The following PAXBP1 variants were observed in gnomAD, a reference collection of about 807,000 sequenced individuals.
PAXBP1 encodes PAX3- and PAX7-binding protein 1.
Under a neutral mutation model 119.9 loss-of-function variants are expected in PAXBP1, and 44 were observed. The ratio of observed to expected loss-of-function variants is 0.37; its 90% confidence interval spans 0.29 to 0.47. The LOEUF is 0.47. PAXBP1 is among the 20% of genes least tolerant of loss of function. PAXBP1 has a pLI of 0.99. For missense variants in PAXBP1, 898 were observed against 1,134.1 expected (o/e 0.79, Z 2.99); for synonymous variants, 393 against 406.6 (o/e 0.97, Z 0.40).
chr21:32,762,261 G>A lies in PAXBP1; in HGVS notation c.706C>T (p.Arg236Ter). ...HAARKKRQMARELGDFTPHDN... is the reference protein window; with the variant it reads ...HAARKKRQMA Reference sequence around the variant, plus strand: ...TGAGGAGTGAAATCTCCCAATTCTCGGGCCATTTGGCGCTTTTTCCTTGCA... The same window carrying A: ...TGAGGAGTGAAATCTCCCAATTCTCAGGCCATTTGGCGCTTTTTCCTTGCA... The change falls in exon 4 of 18, where the codon CGA becomes TGA. Residue 236 changes from arginine (R) to a stop codon, truncating the protein, a stop_gained. Coordinates refer to ENST00000331923, the MANE Select transcript of PAXBP1 (RefSeq NM_016631.4). LOFTEE classifies it high-confidence loss of function. The A allele has an allele frequency of 1.2e-6, 2 of 1,613,954 alleles. No individual in the cohort carries two copies. Among genetic ancestry groups the A allele is most frequent in the Non-Finnish European group, 1.7e-6 (2 of 1,180,010 alleles).
At chr21:32,771,283 C>A in intron 1 of PAXBP1, 43 bp downstream of exon 1, 1 of 1,512,850 alleles carries the variant, frequency 6.6e-7, no homozygotes, top group African/African-American at 1.4e-5. Context: ...GGGCCTGCGT[C>A]GGGGATGCGG....
intron 15 of PAXBP1, chr21:32,741,754 C>T (rs570970681): frequency 1.0e-4 from 49 of 476,108 alleles, no homozygotes; most frequent in Middle Eastern, 5.7e-4. Context: ...GTCTATGACC[C>T]GCCTGGGGCA....
At chr21:32,748,804 C>G (rs923746493) in intron 10 of PAXBP1, 106 bp from the exon 11 acceptor site, 1 of 945,578 alleles carries the variant, frequency 1.1e-6, no homozygotes, top group Non-Finnish European at 1.5e-6. Context: ...TCAGAAGATA[C>G]GCTCATTAAC....
rs773927610 is a variant in PAXBP1, at chr21:32,750,881, CTGA to C, written c.1723+33_1723+35del. ...AAACCATACCCAAGTAGAAACTAAA[CTGA>C]TGATGAGTCTTATTTCCAAATAAAT... On this transcript the variant is annotated intron_variant, in intron 10 of 17. Coordinates refer to ENST00000331923, the MANE Select transcript of PAXBP1 (RefSeq NM_016631.4). The C allele has an allele frequency of 3.4e-6, 5 of 1,490,638 alleles. No homozygotes were observed. In the African/African-American group the frequency reaches 4.2e-5, roughly 12 times the overall value. The allele number at this position is 1,490,638 out of a possible 1,614,324, so 92.3% of individuals were successfully genotyped here. A position where few individuals can be genotyped will look rare whatever the true frequency, so the allele number is the denominator to read the frequency against.
At chr21:32,747,399 A>G (rs2043890736) in intron 11 of PAXBP1, among the ~76,000 whole-genome samples, 1 of 152,178 alleles carries the variant, frequency 6.6e-6, no homozygotes, top group Non-Finnish European at 1.5e-5. Flanking sequence ...GAAGGCTGAC[A>G]CAGCTGGAAA....
rs1465128539 is a variant in PAXBP1, at chr21:32,735,086, G to A, written c.2637-19C>T. 6.5e-7 allele frequency: 1 copy of A among 1,545,944 alleles called. No individual in the cohort carries two copies. The highest frequency in any genetic ancestry group is 8.9e-7 in the Non-Finnish European group (1 of 1,122,438). ...GTTTTCCCTAAAAGAAAAAAATATAGCAGCATCTCATTAATTAGTATATCT... is the reference window on the plus strand; with the variant it reads ...GTTTTCCCTAAAAGAAAAAAATATAACAGCATCTCATTAATTAGTATATCT... On this transcript the variant is annotated intron_variant, in intron 17 of 17. Transcript: ENST00000331923.
chr21:32,762,236 T>C lies in PAXBP1; in HGVS notation c.731A>G (p.His244Arg), dbSNP rs1433217946. 4 of 1,614,044 alleles carry C rather than the reference T, an allele frequency of 2.5e-6. No homozygotes were observed. Among genetic ancestry groups the C allele is most frequent in the African/African-American group, 1.3e-5 (1 of 74,910 alleles). ...GCGGCCTTTACCAGGCTCATTATCA[T>C]GAGGAGTGAAATCTCCCAATTCTCG... The part of the protein sequence containing the change: ...MARELGDFTP[H>R]DNEPGKGRLV... Residue 244 changes from histidine to arginine, a missense_variant, in exon 4 of 18, where the codon CAT becomes CGT. This residue lies in a region of PAXBP1 where 599 missense variants were observed against 852.7 expected (regional missense o/e 0.70). Transcript: ENST00000331923.
intron 2 of PAXBP1, among the ~76,000 whole-genome samples, chr21:32,765,871 T>C (rs930044721): frequency 8.0e-6 from 1 of 125,200 alleles, no homozygotes; most frequent in African/African-American, 3.4e-5. Flanking sequence ...CCAGGCATGG[T>C]GGCTCACGCC....
intron 17 of PAXBP1, among the ~76,000 whole-genome samples, chr21:32,737,009 C>T (rs981794465): frequency 6.6e-6 from 1 of 152,048 alleles, no homozygotes; most frequent in Non-Finnish European, 1.5e-5. Flanking sequence ...AGAAAACAAC[C>T]GTTTACTCAC....
chr21:32,750,877 T>G, intron 10 of PAXBP1, 40 bp downstream of exon 10: 1 of 1,472,692 alleles, frequency 6.8e-7, no homozygotes, highest in Non-Finnish European at 9.4e-7. Flanking sequence ...AAGTAGAAAC[T>G]AAACTGATGA....
intron 17 of PAXBP1, among the ~76,000 whole-genome samples, chr21:32,737,031 T>G (rs924533206): frequency 6.6e-6 from 1 of 152,160 alleles, no homozygotes; most frequent in African/African-American, 2.4e-5. Flanking sequence ...CCCCTGAGGG[T>G]TGGTCCTTAC....
At chr21:32,745,993 C>G (rs1234895356) in intron 11 of PAXBP1, among the ~76,000 whole-genome samples, 2 of 152,122 alleles carry the variant, frequency 1.3e-5, no homozygotes, top group Non-Finnish European at 2.9e-5. Context: ...CTCCGACAAA[C>G]CTGACACGAA....
chr21:32,743,217 T>C (rs771760791), intron 15 of PAXBP1, 31 bp downstream of exon 15: 12 of 1,521,164 alleles, frequency 7.9e-6, no homozygotes, highest in African/African-American at 1.4e-5. Context: ...AAACGAAATC[T>C]GAGTCTTTTA....
intron 8 of PAXBP1, 86 bp downstream of exon 8, chr21:32,755,144 G>T: frequency 8.9e-7 from 1 of 1,119,292 alleles, no homozygotes; most frequent in Non-Finnish European, 1.2e-6. Context: ...AAAAAAAAAA[G>T]CTCCAAGATC....
At chr21:32,753,520 A>G (rs1456004199) in intron 8 of PAXBP1, among the ~76,000 whole-genome samples, 1 of 152,148 alleles carries the variant, frequency 6.6e-6, no homozygotes, top group African/African-American at 2.4e-5. Flanking sequence ...TGAGTCTAAC[A>G]TGACTCAAGT....
chr21:32,759,521 A>G, intron 6 of PAXBP1: 1 of 591,048 alleles, frequency 1.7e-6, no homozygotes, highest in Non-Finnish European at 2.9e-6. Context: ...ACACTTTTTC[A>G]GAGTCCAAGA....
chr21:32,768,913 C>A (rs2044287311), intron 2 of PAXBP1, among the ~76,000 whole-genome samples: 1 of 152,170 alleles, frequency 6.6e-6, no homozygotes, highest in African/African-American at 2.4e-5. Context: ...CAATACCTTC[C>A]CTTTCGGAAT....
intron 3 of PAXBP1, among the ~76,000 whole-genome samples, chr21:32,763,912 G>T (rs2044194312): frequency 1.3e-5 from 2 of 151,758 alleles, no homozygotes; most frequent in African/African-American, 2.4e-5. Context: ...GCTTGAACCT[G>T]GGAGGCGGTG....
At chr21:32,738,140 T>C in intron 16 of PAXBP1, 33 bp downstream of exon 16, 5 of 1,489,396 alleles carry the variant, frequency 3.4e-6, no homozygotes, top group South Asian at 1.4e-5. Flanking sequence ...TTAAATTATA[T>C]GCTTTAAAAA....
Sources: allele counts gnomAD v4.1 joint callset (sites outside exome capture counted in the v4.1 genomes callset), GRCh38; gene constraint gnomAD v4.1.1; regional missense constraint gnomAD v4.1.1; transcripts MANE v1.5; gene names NCBI Gene and HGNC (gene_info 2026-07-23, HGNC 2026-07-21).